The following EZH1 variants were observed in gnomAD, a reference collection of about 807,000 sequenced individuals.
EZH1 encodes histone-lysine N-methyltransferase EZH1.
In EZH1, 33 loss-of-function variants were observed where a neutral mutation model predicts 100.5. The observed-to-expected ratio is 0.33, with a 90% CI of 0.25 to 0.44. The LOEUF is 0.44. Ranked by LOEUF, EZH1 falls within the 20% of genes least tolerant of loss-of-function variation. The pLI is 1.00. For missense variants in EZH1, 475 were observed against 928.4 expected, an observed-to-expected ratio of 0.51 and a Z score of 6.35; for synonymous variants, 272 against 313.8, an observed-to-expected ratio of 0.87 and a Z score of 1.41.
intron 3 of EZH1, among the ~76,000 whole-genome samples, chr17:42,728,106 C>T (rs1404222764): frequency 2.1e-5 from 3 of 143,292 alleles, no homozygotes; most frequent in African/African-American, 7.8e-5. Flanking sequence ...CATGAGCCAC[C>T]GTGCCTGGCC....
At chr17:42,739,199 C>A (rs1408551920) in intron 1 of EZH1, among the ~76,000 whole-genome samples, 1 of 152,162 alleles carries the variant, frequency 6.6e-6, no homozygotes, top group East Asian at 1.9e-4. Context: ...CCAATTTCAT[C>A]AACATTTCAA....
chr17:42,703,445 T>C, intron 19 of EZH1: 1 of 368,022 alleles, frequency 2.7e-6, no homozygotes, highest in South Asian at 2.7e-5. Context: ...CCCAAAGTGC[T>C]GGGATTACAG....
At chr17:42,702,765 G>T in intron 20 of EZH1, 112 bp downstream of exon 20, 1 of 1,314,206 alleles carries the variant, frequency 7.6e-7, no homozygotes, top group Non-Finnish European at 1.1e-6. Flanking sequence ...CTTATTCACC[G>T]GGAGACTCTC....
At chr17:42,737,418 T>C (rs2054087264) in intron 1 of EZH1, among the ~76,000 whole-genome samples, 1 of 152,142 alleles carries the variant, frequency 6.6e-6, no homozygotes, top group South Asian at 2.1e-4. Flanking sequence ...CTGGACAACA[T>C]GGTGAGATCC....
chr17:42,728,421 G>C (rs1341371046), intron 3 of EZH1, among the ~76,000 whole-genome samples: 1 of 147,326 alleles, frequency 6.8e-6, no homozygotes, highest in Admixed American at 6.8e-5. Flanking sequence ...GCCCTGTTAC[G>C]ATTTCAAAAC....
At chr17:42,725,679 T>G (rs960992950) in intron 4 of EZH1, among the ~76,000 whole-genome samples, 1 of 152,186 alleles carries the variant, frequency 6.6e-6, no homozygotes, top group Non-Finnish European at 1.5e-5. Context: ...ACTGTTGGTC[T>G]ACCTGGGTTA....
intron 1 of EZH1, among the ~76,000 whole-genome samples, chr17:42,743,677 G>A (rs933538488): frequency 6.6e-6 from 1 of 151,416 alleles, no homozygotes; most frequent in African/African-American, 2.4e-5. Flanking sequence ...TGTTGCCTGA[G>A]CTGGTCCCAA....
At chr17:42,737,014 C>G (rs1308676486) in intron 1 of EZH1, among the ~76,000 whole-genome samples, 1 of 148,968 alleles carries the variant, frequency 6.7e-6, no homozygotes, top group Non-Finnish European at 1.5e-5. Context: ...GAGACAGAGT[C>G]TCGCTCTGTC....
intron 6 of EZH1, 140 bp downstream of exon 6, chr17:42,722,655 C>T (rs1158018813): frequency 1.3e-6 from 1 of 785,792 alleles, no homozygotes; most frequent in Non-Finnish European, 1.9e-6. Flanking sequence ...AATTAACTCC[C>T]AGCCATGTGA....
intron 19 of EZH1, 156 bp downstream of exon 19, chr17:42,703,584 C>G (rs1335353729): frequency 6.4e-6 from 4 of 622,074 alleles, no homozygotes. Flanking sequence ...GATTAGAAAA[C>G]TAAGATTGAG....
intron 19 of EZH1, 69 bp from the exon 20 acceptor site, chr17:42,703,030 G>A (rs1019101380): frequency 8.8e-6 from 13 of 1,474,568 alleles, no homozygotes; most frequent in South Asian, 3.4e-5. Context: ...AGGCTTCTGG[G>A]TTGATTTTCT....
At chr17:42,729,015 CAA>C (rs373619081) in intron 2 of EZH1, 63 bp from the exon 3 acceptor site, 14,188 of 926,328 alleles carry the variant, frequency 0.015, no homozygotes, top group South Asian at 0.025. Context: ...TCCTCAAATA[CAA>C]AAAAAAAAAA....
intron 1 of EZH1, among the ~76,000 whole-genome samples, chr17:42,739,126 T>C (rs1320150222): frequency 6.6e-6 from 1 of 152,208 alleles, no homozygotes; most frequent in East Asian, 1.9e-4. Flanking sequence ...ACCTGAATGA[T>C]AGGGGTGAAC....
chr17:42,707,849 G>C (rs1263143961), intron 15 of EZH1, 109 bp downstream of exon 15: 23 of 1,330,182 alleles, frequency 1.7e-5, no homozygotes, highest in Non-Finnish European at 2.3e-5. Flanking sequence ...ACACAGCAAA[G>C]GGGATATCAG....
chr17:42,703,416 G>C, intron 19 of EZH1: 1 of 328,010 alleles, frequency 3.0e-6, no homozygotes, highest in African/African-American at 2.2e-5. Flanking sequence ...GGCCTCAAGT[G>C]ATCCACCTGC....
At chr17:42,715,590 C>T (rs2053585521) in intron 10 of EZH1, among the ~76,000 whole-genome samples, 1 of 151,856 alleles carries the variant, frequency 6.6e-6, no homozygotes, top group Admixed American at 6.6e-5. Flanking sequence ...GTTTCCAGAC[C>T]TAATTTCTAG....
intron 10 of EZH1, among the ~76,000 whole-genome samples, chr17:42,715,398 A>C (rs1410963607): frequency 6.6e-6 from 1 of 151,244 alleles, no homozygotes; most frequent in African/African-American, 2.4e-5. Context: ...CAGCCTCCCA[A>C]GTCCAGTCCA....
At position 42,706,206 on chromosome 17, in the gene EZH1, A is replaced by ACT; in HGVS notation, c.1661-22_1661-21insAG. 5 of 1,590,712 alleles carry ACT rather than the reference A, an allele frequency of 3.1e-6. No homozygotes were observed. Among genetic ancestry groups the ACT allele is most frequent in the Non-Finnish European group, 3.4e-6 (4 of 1,164,432 alleles). On this transcript the variant is annotated intron_variant, in intron 15 of 20. Coordinates refer to ENST00000428826, the MANE Select transcript of EZH1 (RefSeq NM_001991.5). This position sits in a 1 kb window ranked among gnomAD's most constrained non-coding sequence, Gnocchi z 4.4. ...CTGACCTGGGAAGGGAAGACAGGTA[A>ACT]GTCTTAGAAGGGAAATAAGCTAATA...
intron 2 of EZH1, 26 bp from the exon 3 acceptor site, chr17:42,728,978 G>A (rs774695410): frequency 2.0e-6 from 3 of 1,533,468 alleles, no homozygotes; most frequent in East Asian, 4.8e-5. Flanking sequence ...ATGAGAAATA[G>A]CATTTTATTG....
Sources: gnomAD v4.1 joint callset for allele counts (sites outside exome capture counted in the v4.1 genomes callset) on GRCh38, gnomAD v4.1.1 for gene constraint, Gnocchi (gnomAD v3.1) non-coding constraint, MANE v1.5 for transcripts, NCBI Gene and HGNC (gene_info 2026-07-23, HGNC 2026-07-21) for gene names.